Variants in CAPRIN2 observed in about 807,000 individuals in gnomAD.
The protein encoded by CAPRIN2 is caprin-2.
Under a neutral mutation model 130.4 loss-of-function variants are expected in CAPRIN2, and 66 were observed. The ratio of observed to expected loss-of-function variants is 0.51; its 90% CI spans 0.42 to 0.62. The LOEUF is 0.62. Among genes scored for constraint, CAPRIN2 ranks in the 20% least tolerant of loss-of-function variants. The pLI is 0.00. For synonymous variants in CAPRIN2, 471 were observed against 444.1 expected (o/e 1.06, Z -0.76); for missense variants, 1,185 against 1,246.6 (o/e 0.95, Z 0.74).
intron 12 of CAPRIN2, among the ~76,000 whole-genome samples, chr12:30,718,121 A>C (rs2058242307): frequency 6.6e-6 from 1 of 152,228 alleles, no homozygotes; most frequent in South Asian, 2.1e-4. Context: ...GACTAGTGTG[A>C]CAGGTTATAA....
At chr12:30,740,309 A>C (rs2066852845) in intron 3 of CAPRIN2, among the ~76,000 whole-genome samples, 2 of 152,086 alleles carry the variant, frequency 1.3e-5, no homozygotes, top group African/African-American at 4.8e-5. Flanking sequence ...TAATGAAAAT[A>C]TCCAAAAAAA....
chr12:30,713,226 T>C (rs1199599056), intron 15 of CAPRIN2, among the ~76,000 whole-genome samples: 1 of 152,226 alleles, frequency 6.6e-6, no homozygotes, highest in Non-Finnish European at 1.5e-5. Context: ...ATCCGTAAGT[T>C]CCCAAGTTTT....
chr12:30,726,914 C>T (rs1042246476), intron 8 of CAPRIN2, among the ~76,000 whole-genome samples: 4 of 152,276 alleles, frequency 2.6e-5, no homozygotes, highest in Middle Eastern at 3.4e-3. Context: ...CTAGACAGCT[C>T]AGATTCCAAG....
chr12:30,719,018 A>G, intron 12 of CAPRIN2, 61 bp downstream of exon 14: 1 of 1,539,920 alleles, frequency 6.5e-7, no homozygotes, highest in African/African-American at 1.4e-5. Context: ...ATTATGTAAG[A>G]GAAACAATGG....
chr12:30,717,525 T>C (rs1273479596), intron 12 of CAPRIN2, among the ~76,000 whole-genome samples: 1 of 152,104 alleles, frequency 6.6e-6, no homozygotes, highest in African/African-American at 2.4e-5. Context: ...ATGAATATAC[T>C]TAATGCCACT....
At chr12:30,727,215 T>A (rs2061207028) in intron 8 of CAPRIN2, among the ~76,000 whole-genome samples, 1 of 152,164 alleles carries the variant, frequency 6.6e-6, no homozygotes, top group Admixed American at 6.5e-5. Flanking sequence ...AATAGTTACA[T>A]TACAGTTACT....
Position 30,730,385 on chromosome 12 carries a change from A to G in CAPRIN2, c.1061-103T>C, listed in dbSNP as rs530586192. 1,025 of 824,542 alleles carry G rather than the reference A, an allele frequency of 1.2e-3. 1 individual carries two copies. Among genetic ancestry groups the G allele is most frequent in the Non-Finnish European group, 1.6e-3 (793 of 489,672 alleles). 51.1% of individuals were successfully genotyped at this position (824,542 alleles called of 1,614,324 possible). A position where few individuals can be genotyped will look rare whatever the true frequency, so the allele number is the denominator to read the frequency against. ...TAGCAACATATTTCAGAAGACTCGTAACAGAAAAAGGGTAATATAATCAAG... is the reference window on the plus strand; with the variant it reads ...TAGCAACATATTTCAGAAGACTCGTGACAGAAAAAGGGTAATATAATCAAG... On this transcript the variant is annotated intron_variant, in intron 6 of 16. Transcript: ENST00000298892.
chr12:30,750,284 G>A (rs958948794), intron 2 of CAPRIN2, among the ~76,000 whole-genome samples: 1 of 152,230 alleles, frequency 6.6e-6, no homozygotes, highest in East Asian at 1.9e-4. Flanking sequence ...GATGTATAGC[G>A]AAAGATTTCA....
chr12:30,746,836 G>C lies in CAPRIN2; in HGVS notation c.483+4235C>G, dbSNP rs2070742093. On this transcript the variant is annotated intron_variant, in intron 2 of 16. Coordinates refer to ENST00000298892, the Ensembl canonical transcript of CAPRIN2. ...AGATGAAGCAACAAGTGCTAATGTAGAAGCTGCATCAAGTTAGCCAGAAAG... is the reference window on the plus strand; with the variant it reads ...AGATGAAGCAACAAGTGCTAATGTACAAGCTGCATCAAGTTAGCCAGAAAG... Among the ~76,000 whole-genome samples the C allele has an allele frequency of 3.3e-5, 5 of 152,342 alleles. No individual in the cohort carries two copies. The East Asian group carries it at 5.8e-4, about 18-fold the overall frequency.
Position 30,731,735 on chromosome 12 carries a change from G to A in CAPRIN2, c.893-225C>T, listed in dbSNP as rs77425281. On this transcript the variant is annotated intron_variant, in intron 5 of 16. Transcript: ENST00000298892. ...AATATGCAGTCCATCTTTATTTTAT[G>A]CTGAATCAATATGAATTTTAATGAG... is the stretch of plus-strand genomic sequence containing the variant. 8.9e-4 allele frequency among the ~76,000 whole-genome samples: 135 copies of A among 152,038 alleles called. 1 individual carries two copies. In the East Asian group the frequency reaches 0.022, roughly 25 times the overall value.
rs767286603 is a variant in CAPRIN2, at chr12:30,737,217, TG to T, written c.571-2012del. Among the ~76,000 whole-genome samples the T allele has an allele frequency of 1.4e-4, 22 of 152,066 alleles. No homozygotes were observed. The East Asian group carries it at 1.7e-3, about 12-fold the overall frequency. ...TGAGGTCTCTCTATGTTGTCCAGGC[TG>T]GTCTTGAACTCCTGAACTCAAGCAA... On this transcript the variant is annotated intron_variant, in intron 3 of 16. Transcript: ENST00000298892.
chr12:30,745,777 T>TG (rs955798013), intron 2 of CAPRIN2, among the ~76,000 whole-genome samples: 11 of 151,938 alleles, frequency 7.2e-5, no homozygotes, highest in Admixed American at 3.3e-4. Flanking sequence ...TGATTTTGGG[T>TG]GGGGGGGTGG....
In CAPRIN2 at chr12:30,710,818, T is replaced by C. The variant is rs1391865493; in HGVS notation, c.2666-348A>G. On this transcript the variant is annotated intron_variant, in intron 16 of 16. Coordinates refer to ENST00000298892, the Ensembl canonical transcript of CAPRIN2. The surrounding 1 kb of genome is among the most constrained non-coding windows in gnomAD (Gnocchi z 4.8). ...TAATTCTTAATTTCTCAGAGGTCATTCTACAAAGCACCTAATGTAGAAGGT... is the reference window on the plus strand; with the variant it reads ...TAATTCTTAATTTCTCAGAGGTCATCCTACAAAGCACCTAATGTAGAAGGT... 1.3e-5 allele frequency among the ~76,000 whole-genome samples: 2 copies of C among 152,182 alleles called. No homozygotes were observed. Among genetic ancestry groups the C allele is most frequent in the African/African-American group, 2.4e-5 (1 of 41,438 alleles).
intron 6 of CAPRIN2, 96 bp downstream of exon 7, chr12:30,731,247 A>T: frequency 1.1e-6 from 1 of 903,500 alleles, no homozygotes. Context: ...GTAGAACCTA[A>T]CAAATTAAAA....
At chr12:30,728,379 C>A in intron 8 of CAPRIN2, 1 of 308,846 alleles carries the variant, frequency 3.2e-6, no homozygotes, top group Non-Finnish European at 6.0e-6. Context: ...ACAGTGAAAC[C>A]CCGTCTCTAC....
intron 1 of CAPRIN2, among the ~76,000 whole-genome samples, chr12:30,753,120 G>C (rs1162090605): frequency 6.6e-6 from 1 of 152,186 alleles, no homozygotes. Flanking sequence ...TATTTCAACA[G>C]CAGCATGCAT....
chr12:30,745,896 C>T (rs184670054), intron 2 of CAPRIN2, among the ~76,000 whole-genome samples: 4 of 152,004 alleles, frequency 2.6e-5, no homozygotes, highest in African/African-American at 9.7e-5. Flanking sequence ...AACTACTTGG[C>T]CCTAATCTAT....
At chr12:30,753,819 A>G in exon 1 of CAPRIN2, 10 of 1,489,538 alleles carry the variant, frequency 6.7e-6, no homozygotes, top group Non-Finnish European at 9.0e-6. Flanking sequence ...TTACATAGGC[A>G]AAATCTCCCA....
chr12:30,749,098 T>C (rs2072310342), intron 2 of CAPRIN2, among the ~76,000 whole-genome samples: 2 of 152,168 alleles, frequency 1.3e-5, no homozygotes, highest in South Asian at 2.1e-4. Context: ...AGGTTGGGAA[T>C]TGAGCCACTG....
Sources: allele counts gnomAD v4.1 joint callset (sites outside exome capture counted in the v4.1 genomes callset), GRCh38; gene constraint gnomAD v4.1.1; non-coding constraint Gnocchi (gnomAD v3.1); transcripts MANE v1.5; gene names NCBI Gene and HGNC (gene_info 2026-07-23, HGNC 2026-07-21).